Variants in MICOS13 observed in about 807,000 individuals in gnomAD.
The protein encoded by MICOS13 is mitochondrial contact site and cristae organizing system subunit 13, also known as MICOS complex subunit MIC13.
A neutral mutation model predicts 16.1 loss-of-function variants in MICOS13; 15 were observed. That is an observed-to-expected ratio of 0.93 (90% CI 0.62 to 1.44). MICOS13 has a LOEUF of 1.44. Ranked by LOEUF, MICOS13 falls within the 40% of genes most tolerant of loss-of-function variation. MICOS13 has a pLI of 0.00. For synonymous variants in MICOS13, 61 were observed against 62.6 expected, an observed-to-expected ratio of 0.97 and a Z score of 0.12; for missense variants, 164 against 155.0, an observed-to-expected ratio of 1.06 and a Z score of -0.31.
chr19:5,679,140 G>A, intron 3 of MICOS13: 1 of 573,416 alleles, frequency 1.7e-6, no homozygotes, highest in South Asian at 2.2e-5. Context: ...TCGAACTCCT[G>A]ACTTCAGATG....
intron 1 of MICOS13, 148 bp from the exon 2 acceptor site, chr19:5,679,911 C>T (rs2054501966): frequency 7.4e-7 from 1 of 1,343,338 alleles, no homozygotes; most frequent in African/African-American, 1.5e-5. Flanking sequence ...ACCCAGACCC[C>T]TATTATATAC....
rs1358452432 is a variant in MICOS13, at chr19:5,678,777, T to C, written c.260-129A>G. On this transcript the variant is annotated intron_variant, in intron 3 of 3. Coordinates refer to ENST00000309324, the MANE Select transcript of MICOS13 (RefSeq NM_205767.3). ...GGGGGGCGGGGATGGAGTCTCACTC[T>C]GTCTCCCAGGCTGGAGTGCAGTAGT... 6.3e-6 allele frequency: 4 copies of C among 634,172 alleles called. No homozygotes were observed. In the African/African-American group the frequency reaches 7.6e-5, roughly 12 times the overall value. The allele number at this position is 634,172 out of a possible 1,614,324, so 39.3% of individuals were successfully genotyped here.
intron 1 of MICOS13, chr19:5,680,254 G>A (rs1384149243): frequency 6.4e-7 from 1 of 1,573,716 alleles, no homozygotes; most frequent in Admixed American, 1.9e-5. Flanking sequence ...GGGCTCGCTG[G>A]GAAGCAGGAG....
Position 5,679,573 on chromosome 19 carries a change from C to T in MICOS13, c.207+13G>A, listed in dbSNP as rs1030877505. ...ACCCGCCAAACCCTGGCCTCGTTCCCGGCCCGTAGTACCTGGGGTATCTGC... is the reference window on the plus strand; with the variant it reads ...ACCCGCCAAACCCTGGCCTCGTTCCTGGCCCGTAGTACCTGGGGTATCTGC... On this transcript the variant is annotated intron_variant, in intron 2 of 3. Transcript: ENST00000309324. 79 of 1,607,320 alleles carry T rather than the reference C, an allele frequency of 4.9e-5. No individual in the cohort carries two copies. Among genetic ancestry groups the T allele is most frequent in the Non-Finnish European group, 6.6e-5 (78 of 1,177,464 alleles).
chr19:5,678,736 GCGGT>G, intron 3 of MICOS13, 88 bp from the exon 4 acceptor site: 3 of 855,594 alleles, frequency 3.5e-6, no homozygotes, highest in Non-Finnish European at 5.2e-6. Context: ...TTTGTTTTGG[GCGGT>G]GGGGGGTGGG....
At chr19:5,680,047 A>G in intron 1 of MICOS13, 1 of 1,523,032 alleles carries the variant, frequency 6.6e-7, no homozygotes. Flanking sequence ...AAGACGTAAG[A>G]TCTTGACCTT....
Position 5,678,483 on chromosome 19 carries a change from G to A in MICOS13, c.*68C>T, listed in dbSNP as rs1249374923. 7.1e-7 allele frequency: 1 copy of A among 1,414,456 alleles called. No homozygotes were observed. The highest frequency in any genetic ancestry group is 2.5e-5 in the East Asian group (1 of 40,096). The allele number at this position is 1,414,456 out of a possible 1,614,324, so 87.6% of individuals were successfully genotyped here. On this transcript the variant is annotated 3_prime_UTR_variant, in exon 4 of 4. Transcript: ENST00000309324. Reference sequence around the variant, plus strand: ...GAGCTGCCCTCGGAGTGGGGTCCCAGTCCGGAGTCTTCAGGTCAGTGGCAG... The same window carrying A: ...GAGCTGCCCTCGGAGTGGGGTCCCAATCCGGAGTCTTCAGGTCAGTGGCAG...
In MICOS13 at chr19:5,679,419, A is replaced by C. The variant is rs758333876; in HGVS notation, c.208-23T>G. On this transcript the variant is annotated intron_variant, in intron 2 of 3. Transcript: ENST00000309324. ...GAGCTGGGAAAAAGAGATGGGCAGA[A>C]AGAACTGGTGAAAAGGCTCAGCAGC... is the stretch of plus-strand genomic sequence containing the variant. 5.6e-6 allele frequency: 9 copies of C among 1,612,224 alleles called. No homozygotes were observed. In the Admixed American group the frequency reaches 1.5e-4, roughly 27 times the overall value.
Position 5,679,757 on chromosome 19 carries a change from G to A in MICOS13, c.36C>T (p.Leu12=). 10 of 1,602,390 alleles carry A rather than the reference G, an allele frequency of 6.2e-6. No individual in the cohort carries two copies. The highest frequency in any genetic ancestry group is 8.5e-6 in the Non-Finnish European group (10 of 1,176,614). Residue 12 remains leucine (L), a synonymous_variant, in exon 2 of 4, where the codon CTC becomes CTT. Transcript: ENST00000309324. ...CGCCCCCAGCCACACTTCCCTTGAT[G>A]AGGAACCTGCGGGCAGGGACGGGAG... The part of the protein sequence containing the change: ...VARVWSLMRF[L]IKGSVAGGAV...
intron 3 of MICOS13, 85 bp from the exon 4 acceptor site, chr19:5,678,733 T>TTGGG: frequency 4.0e-6 from 1 of 252,182 alleles, no homozygotes; most frequent in Non-Finnish European, 7.3e-6. Flanking sequence ...GAGTTTGTTT[T>TTGGG]GGGCGGTGGG....
Position 5,679,760 on chromosome 19 carries a change from G to T in MICOS13, c.33C>A (p.Phe11Leu). 1 of 1,599,842 alleles carries T rather than the reference G, an allele frequency of 6.3e-7. No homozygotes were observed. The highest frequency in any genetic ancestry group is 8.5e-7 in the Non-Finnish European group (1 of 1,175,592). Reference protein sequence around the residue: MVARVWSLMRFLIKGSVAGGA... With the variant: MVARVWSLMRLLIKGSVAGGA... ...CCCCAGCCACACTTCCCTTGATGAG[G>T]AACCTGCGGGCAGGGACGGGAGGAG... Residue 11 changes from phenylalanine (F) to leucine (L), a missense_variant, in exon 2 of 4, where the codon TTC becomes TTA. Transcript: ENST00000309324.
At chr19:5,680,018 ACAGTGAGCAGGGG>A in intron 1 of MICOS13, 2 of 1,502,824 alleles carry the variant, frequency 1.3e-6, no homozygotes, top group Non-Finnish European at 1.8e-6. Context: ...TCAAAGTCCC[ACAGTGAGCAGGGG>A]CAGTGAAGAC....
At chr19:5,678,816 A>T in intron 3 of MICOS13, 168 bp from the exon 4 acceptor site, 1 of 569,456 alleles carries the variant, frequency 1.8e-6, no homozygotes, top group Non-Finnish European at 3.0e-6. Flanking sequence ...ATCTCGGCTC[A>T]CTGCAACCTT....
chr19:5,679,235 G>A (rs778937778), intron 3 of MICOS13, 110 bp downstream of exon 3: 2 of 1,193,948 alleles, frequency 1.7e-6, no homozygotes, highest in Admixed American at 4.9e-5. Flanking sequence ...AGATCCCTAA[G>A]AGACACGTGT....
rs780856928 is a variant in MICOS13 at position 5,679,340 on chromosome 19, C to G, written c.259+5G>C. On this transcript the variant is annotated splice_donor_5th_base_variant and intron_variant, in intron 3 of 3. Coordinates refer to ENST00000309324, the MANE Select transcript of MICOS13 (RefSeq NM_205767.3). ...CCCTCCAAGCAAAGAAACTGGGTGC[C>G]TTACCTGCATTCCAGGAGTCACGGA... 1.2e-6 allele frequency: 2 copies of G among 1,612,934 alleles called. No homozygotes were observed. The highest frequency in any genetic ancestry group is 1.1e-5 in the South Asian group (1 of 90,926).
In MICOS13 at chr19:5,678,593, G is replaced by A; in HGVS notation, c.315C>T (p.Tyr105=). ...LSVAPSKARE[Y]SKEGWEYVKA... ...TCACATACTCCCAGCCCTCCTTGGA[G>A]TACTCGCGGGCCTTGGAGGGGGCCA... Residue 105 remains tyrosine (Y), a synonymous_variant, in exon 4 of 4, where the codon TAC becomes TAT. Transcript: ENST00000309324. 1.9e-6 allele frequency: 3 copies of A among 1,549,272 alleles called. No individual in the cohort carries two copies. The highest frequency in any genetic ancestry group is 2.6e-6 in the Non-Finnish European group (3 of 1,146,394).
chr19:5,679,985 C>T, intron 1 of MICOS13: 1 of 1,472,822 alleles, frequency 6.8e-7, no homozygotes, highest in Non-Finnish European at 9.0e-7. Context: ...TGAACTGAAA[C>T]CCAGAGGGGG....
At position 5,679,678 on chromosome 19, in the gene MICOS13, C is replaced by T. The variant is rs767408040; in HGVS notation, c.115G>A (p.Ala39Thr). The change falls in exon 2 of 4, where the codon GCA becomes ACA. Residue 39 changes from alanine to threonine, a missense_variant. Coordinates refer to ENST00000309324, the MANE Select transcript of MICOS13 (RefSeq NM_205767.3). ...ACCTCCCCAGCCTTCTGTAGGGCTG[C>T]CTGGCTCTTGTCGCTGGGCCCCAGC... The part of the protein sequence containing the change: ...ELLGPSDKSQ[A>T]ALQKAGEVVP... 1 of 1,610,446 alleles carries T rather than the reference C, an allele frequency of 6.2e-7. No individual in the cohort carries two copies. The highest frequency in any genetic ancestry group is 1.1e-5 in the South Asian group (1 of 90,932).
At chr19:5,678,935 G>C (rs2054480387) in intron 3 of MICOS13, 1 of 393,770 alleles carries the variant, frequency 2.5e-6, no homozygotes, top group Non-Finnish European at 4.6e-6. Flanking sequence ...TTGAGATGGA[G>C]TCTCGCCCTG....
Sources: gnomAD v4.1 joint callset for allele counts on GRCh38, gnomAD v4.1.1 for gene constraint, MANE v1.5 for transcripts, NCBI Gene and HGNC (gene_info 2026-07-23, HGNC 2026-07-21) for gene names.